Variants in MAP1B observed in about 807,000 individuals in gnomAD.
MAP1B encodes the protein microtubule associated protein 1B, also known as microtubule-associated protein 1B.
Under a neutral mutation model 176.1 loss-of-function variants are expected in MAP1B, and 12 were observed. The ratio of observed to expected loss-of-function variants is 0.07; its 90% CI spans 0.04 to 0.11. The LOEUF is 0.11. Among genes scored for constraint, MAP1B ranks in the 10% least tolerant of loss-of-function variants. The pLI is 1.00. For synonymous variants in MAP1B, 1,044 were observed against 1,135.0 expected (o/e 0.92, Z 1.61); for missense variants, 2,523 against 2,990.5 (o/e 0.84, Z 3.65).
rs1747456857 is a variant in MAP1B, at chr5:72,206,696, A to G, written c.*1457A>G. On this transcript the variant is annotated 3_prime_UTR_variant, in exon 7 of 7. Transcript: ENST00000296755. ...ATTGCAAAGAAAATTCTCAAGTGAT[A>G]GTCTTTTTTTTTAAGTGTTTCGTAA... The G allele has an allele frequency of 6.6e-6, 1 of 151,236 alleles. No homozygotes were observed. The highest frequency in any genetic ancestry group is 1.5e-5 in the Non-Finnish European group (1 of 67,944). The allele number at this position is 151,236 out of a possible 1,614,324, so 9.4% of individuals were successfully genotyped here.
At chr5:72,152,914 G>C (rs1424126595) in intron 2 of MAP1B, among the ~76,000 whole-genome samples, 2 of 152,130 alleles carry the variant, frequency 1.3e-5, no homozygotes, top group African/African-American at 2.4e-5. Context: ...GGTCTGCTGG[G>C]CCTGCTGGAA....
At chr5:72,192,238 CA>C (rs1012010723) in intron 4 of MAP1B, among the ~76,000 whole-genome samples, 2 of 152,062 alleles carry the variant, frequency 1.3e-5, no homozygotes, top group Non-Finnish European at 2.9e-5. Flanking sequence ...AACTATTGTA[CA>C]AAAAACCATA....
At chr5:72,191,522 A>T (rs1037224855) in intron 4 of MAP1B, among the ~76,000 whole-genome samples, 1 of 152,204 alleles carries the variant, frequency 6.6e-6, no homozygotes, top group Admixed American at 6.5e-5. Flanking sequence ...GTGGGGGAAA[A>T]CACGGGCTTC....
chr5:72,209,025 A>G lies in MAP1B; in HGVS notation c.*3786A>G, dbSNP rs1747513377. 1 of 152,202 alleles carries G rather than the reference A, an allele frequency of 6.6e-6. No individual in the cohort carries two copies. Among genetic ancestry groups the G allele is most frequent in the African/African-American group, 2.4e-5 (1 of 41,454 alleles). 9.4% of individuals were successfully genotyped at this position (152,202 alleles called of 1,614,324 possible). Reference sequence around the variant, plus strand: ...AGGGATGAGCATTTCTTTGAAAGCAATTAGGTTATTCACCTGGTATTAAAA... The same window carrying G: ...AGGGATGAGCATTTCTTTGAAAGCAGTTAGGTTATTCACCTGGTATTAAAA... On this transcript the variant is annotated 3_prime_UTR_variant, in exon 7 of 7. Transcript: ENST00000296755.
intron 2 of MAP1B, among the ~76,000 whole-genome samples, chr5:72,178,984 T>C (rs947614940): frequency 5.3e-5 from 8 of 152,052 alleles, no homozygotes; most frequent in African/African-American, 1.9e-4. Flanking sequence ...AGCCAAAAAA[T>C]GCAGGCTTCC....
chr5:72,114,052 C>T (rs572513207), intron 1 of MAP1B, among the ~76,000 whole-genome samples: 2 of 152,262 alleles, frequency 1.3e-5, no homozygotes, highest in South Asian at 4.1e-4. Context: ...TCCTTAAGCA[C>T]GTTAACTCTT....
chr5:72,175,644 A>G (rs769483144), intron 2 of MAP1B, among the ~76,000 whole-genome samples: 15 of 152,194 alleles, frequency 9.9e-5, no homozygotes, highest in Non-Finnish European at 1.8e-4. Context: ...TAGGGAGAAG[A>G]AAAAAAGGAA....
chr5:72,133,568 C>T (rs897761610), intron 2 of MAP1B, among the ~76,000 whole-genome samples: 1 of 152,212 alleles, frequency 6.6e-6, no homozygotes, highest in Non-Finnish European at 1.5e-5. Flanking sequence ...CACAAGGTCT[C>T]TGTGCCTCAG....
intron 4 of MAP1B, among the ~76,000 whole-genome samples, chr5:72,192,808 T>C (rs1305491253): frequency 6.6e-6 from 1 of 152,262 alleles, no homozygotes; most frequent in African/African-American, 2.4e-5. Flanking sequence ...TCTCCATCAC[T>C]AATTTGCTAG....
intron 2 of MAP1B, among the ~76,000 whole-genome samples, chr5:72,177,197 G>A (rs1271957861): frequency 6.6e-6 from 1 of 152,176 alleles, no homozygotes; most frequent in Non-Finnish European, 1.5e-5. Context: ...AGCCGAGGAA[G>A]TCTTCTGTTA....
chr5:72,201,895 A>G (rs964274665), intron 5 of MAP1B, among the ~76,000 whole-genome samples: 1 of 152,214 alleles, frequency 6.6e-6, no homozygotes, highest in African/African-American at 2.4e-5. Flanking sequence ...AAACCACCAG[A>G]TAATTAACCC....
intron 2 of MAP1B, among the ~76,000 whole-genome samples, chr5:72,143,716 A>G (rs1034471608): frequency 6.6e-6 from 1 of 152,170 alleles, no homozygotes; most frequent in Non-Finnish European, 1.5e-5. Flanking sequence ...CAAGAGGCCG[A>G]AGGCTGGTTC....
intron 2 of MAP1B, among the ~76,000 whole-genome samples, chr5:72,128,061 A>C (rs75340504): frequency 0.02 from 3,037 of 152,272 alleles, 66 homozygotes; most frequent in African/African-American, 0.057. Flanking sequence ...ATTTTATTGA[A>C]ATATAGTTCA....
At chr5:72,140,774 T>C (rs1745933201) in intron 2 of MAP1B, among the ~76,000 whole-genome samples, 1 of 152,148 alleles carries the variant, frequency 6.6e-6, no homozygotes, top group African/African-American at 2.4e-5. Context: ...ATGAATGAAA[T>C]CACCAACTTT....
At chr5:72,150,779 T>G (rs1746126647) in intron 2 of MAP1B, among the ~76,000 whole-genome samples, 2 of 152,206 alleles carry the variant, frequency 1.3e-5, no homozygotes, top group Non-Finnish European at 2.9e-5. Context: ...TGCATTAGTT[T>G]GCTAAGGATA....
chr5:72,122,813 A>G (rs1409459222), intron 2 of MAP1B, among the ~76,000 whole-genome samples: 1 of 152,120 alleles, frequency 6.6e-6, no homozygotes, highest in East Asian at 1.9e-4. Flanking sequence ...AGATGTCAAT[A>G]ACCCCTCCAT....
rs1420504838 is a variant in MAP1B at position 72,207,115 on chromosome 5, T to C, written c.*1876T>C. 6.6e-6 allele frequency: 1 copy of C among 152,226 alleles called. No individual in the cohort carries two copies. The highest frequency in any genetic ancestry group is 1.5e-5 in the Non-Finnish European group (1 of 68,042). The allele number at this position is 152,226 out of a possible 1,614,324, so 9.4% of individuals were successfully genotyped here. A position where few individuals can be genotyped will look rare whatever the true frequency, so the allele number is the denominator to read the frequency against. On this transcript the variant is annotated 3_prime_UTR_variant, in exon 7 of 7. Coordinates refer to ENST00000296755, the MANE Select transcript of MAP1B (RefSeq NM_005909.5). The stretch of plus-strand genomic sequence containing the variant: ...AGAGTTTAGAGAAAATTTCCATCAT[T>C]GTCATCATTGAACTGTGAACCTGGG...
In MAP1B at chr5:72,190,707, T is replaced by C. The variant is rs1232195467; in HGVS notation, c.511-3159T>C. ...AGCCCATCATAGACCTCCCTCCAGG[T>C]TGACATTAAGCAGCACTATTTATAT... On this transcript the variant is annotated intron_variant, in intron 4 of 6. Transcript: ENST00000296755. 3.3e-5 allele frequency among the ~76,000 whole-genome samples: 5 copies of C among 152,274 alleles called. No individual in the cohort carries two copies. In the South Asian group the frequency reaches 8.3e-4, roughly 25 times the overall value.
intron 2 of MAP1B, among the ~76,000 whole-genome samples, chr5:72,161,779 A>T (rs1746327722): frequency 6.6e-6 from 1 of 152,056 alleles, no homozygotes; most frequent in African/African-American, 2.4e-5. Context: ...CAACATGATG[A>T]AACCCTGCCT....
Sources: allele counts gnomAD v4.1 joint callset (sites outside exome capture counted in the v4.1 genomes callset), GRCh38; gene constraint gnomAD v4.1.1; transcripts MANE v1.5; gene names NCBI Gene and HGNC (gene_info 2026-07-23, HGNC 2026-07-21).